The following WDPCP variants were observed in gnomAD, a reference collection of about 807,000 sequenced individuals.
The protein encoded by WDPCP is WD repeat-containing and planar cell polarity effector protein fritz homolog.
In WDPCP, 71 loss-of-function variants were observed where a neutral mutation model predicts 93.1. The ratio of observed to expected loss-of-function variants is 0.76; its 90% CI spans 0.63 to 0.93. The LOEUF (loss-of-function observed/expected upper bound fraction) is 0.93. Among genes scored for constraint, WDPCP ranks in the 40% least tolerant of loss-of-function variants. The pLI, the probability that WDPCP is intolerant of heterozygous loss-of-function variation, is 0.00. For missense variants in WDPCP, 844 were observed against 887.4 expected, an observed-to-expected ratio of 0.95 and a Z score of 0.62; for synonymous variants, 315 against 315.0, an observed-to-expected ratio of 1.00 and a Z score of 0.00.
chr2:63,821,222 G>A (rs1225004409), intron 1 of WDPCP, among the ~76,000 whole-genome samples: 1 of 152,110 alleles, frequency 6.6e-6, no homozygotes, highest in Non-Finnish European at 1.5e-5. Context: ...AGAGGAGGAG[G>A]TGACTGACTC....
Position 63,781,926 on chromosome 2 carries a change from T to C in WDPCP, n.308+31696A>G, listed in dbSNP as rs796583164. 3.5e-4 allele frequency among the ~76,000 whole-genome samples: 53 copies of C among 152,156 alleles called. 1 individual carries two copies. The highest frequency in any genetic ancestry group is 1.2e-3 in the African/African-American group (50 of 41,530). ...AAGCAGTCAGTCCACAGGCAACCTA[T>C]GTGTGTGTGTATATAAAAGGAGAAC... is the stretch of plus-strand genomic sequence containing the variant. On this transcript the variant is annotated intron_variant and non_coding_transcript_variant, in intron 2 of 4. Coordinates refer to the WDPCP transcript ENST00000467687.
At chr2:63,427,273 C>G (rs1306577895) in intron 9 of WDPCP, among the ~76,000 whole-genome samples, 1 of 152,118 alleles carries the variant, frequency 6.6e-6, no homozygotes, top group Non-Finnish European at 1.5e-5. Flanking sequence ...ACCCAACAAC[C>G]ACAGAACATA....
At chr2:63,145,822 A>T (rs1671456705) in intron 17 of WDPCP, among the ~76,000 whole-genome samples, 1 of 152,112 alleles carries the variant, frequency 6.6e-6, no homozygotes, top group African/African-American at 2.4e-5. Flanking sequence ...AACAATATTG[A>T]TTCTTCCTGT....
At chr2:63,347,068 TAAC>T (rs1242745253) in intron 12 of WDPCP, among the ~76,000 whole-genome samples, 2 of 152,164 alleles carry the variant, frequency 1.3e-5, no homozygotes, top group African/African-American at 4.8e-5. Context: ...ATTACAACCC[TAAC>T]AACAATAGCC....
chr2:63,637,397 A>C (rs1337166045), intron 3 of WDPCP, among the ~76,000 whole-genome samples: 1 of 143,954 alleles, frequency 6.9e-6, no homozygotes, highest in Non-Finnish European at 1.5e-5. Flanking sequence ...AGAAACAAAC[A>C]AAAAAAACCA....
intron 2 of WDPCP, among the ~76,000 whole-genome samples, chr2:63,681,097 G>C (rs1025656390): frequency 7.2e-5 from 11 of 152,142 alleles, no homozygotes; most frequent in African/African-American, 2.7e-4. Context: ...CTTCAGGTGA[G>C]ACCCAGCACA....
intron 1 of WDPCP, among the ~76,000 whole-genome samples, chr2:63,533,888 A>T (rs199642932): frequency 4.2e-4 from 3 of 7,224 alleles, no homozygotes; most frequent in East Asian, 0.25. Flanking sequence ...ATAGAGACAC[A>T]AAAAAACCCT....
At chr2:63,722,364 A>C (rs1012986518) in intron 2 of WDPCP, among the ~76,000 whole-genome samples, 1 of 134,492 alleles carries the variant, frequency 7.4e-6, no homozygotes, top group African/African-American at 2.9e-5. Context: ...AGATGTGGGG[A>C]GCGCCTCTGC....
chr2:63,138,597 C>A (rs769902850), intron 17 of WDPCP, among the ~76,000 whole-genome samples: 1 of 151,758 alleles, frequency 6.6e-6, no homozygotes, highest in Non-Finnish European at 1.5e-5. Flanking sequence ...GGACTACAGG[C>A]GCCCGTCACC....
chr2:63,605,476 C>A, intron 3 of WDPCP: 2 of 992,894 alleles, frequency 2.0e-6, no homozygotes, highest in Non-Finnish European at 1.6e-6. Context: ...ATAGCCTTAG[C>A]AGTCAGTCAG....
intron 14 of WDPCP, among the ~76,000 whole-genome samples, chr2:63,194,252 G>T (rs575894285): frequency 2.0e-5 from 3 of 152,142 alleles, no homozygotes; most frequent in African/African-American, 7.2e-5. Context: ...AGACTAAGAT[G>T]ATGATGGAGG....
rs1173923310 is a variant in WDPCP, at chr2:63,558,295, T to G, written c.75+29902A>C. 4.0e-5 allele frequency among the ~76,000 whole-genome samples: 6 copies of G among 151,718 alleles called. No homozygotes were observed. In the East Asian group the frequency reaches 9.7e-4, roughly 25 times the overall value. Reference sequence around the variant, plus strand: ...CTGTAATCCCAGCACTTTGGGAGGGTGAGGCGGGCAGATCTTGAGGTCAGG... The same window carrying G: ...CTGTAATCCCAGCACTTTGGGAGGGGGAGGCGGGCAGATCTTGAGGTCAGG... On this transcript the variant is annotated intron_variant, in intron 1 of 17. Coordinates refer to ENST00000272321, the MANE Select transcript of WDPCP (RefSeq NM_015910.7).
intron 6 of WDPCP, among the ~76,000 whole-genome samples, chr2:63,483,531 A>T (rs1318181247): frequency 6.6e-6 from 1 of 151,916 alleles, no homozygotes; most frequent in African/African-American, 2.4e-5. Flanking sequence ...AGACAAAAAA[A>T]TGAGGAAAAA....
At chr2:63,668,857 A>C (rs1215084744) in intron 2 of WDPCP, among the ~76,000 whole-genome samples, 1 of 152,178 alleles carries the variant, frequency 6.6e-6, no homozygotes, top group Non-Finnish European at 1.5e-5. Flanking sequence ...ATTAGATCTA[A>C]ATCTGATTTT....
At chr2:63,813,326 T>C (rs942699817) in intron 2 of WDPCP, among the ~76,000 whole-genome samples, 10 of 152,186 alleles carry the variant, frequency 6.6e-5, no homozygotes, top group Non-Finnish European at 1.2e-4. Context: ...ATACCGAGTA[T>C]ATTTGGGACA....
chr2:63,218,848 T>C (rs1365876985), intron 14 of WDPCP, among the ~76,000 whole-genome samples: 1 of 152,114 alleles, frequency 6.6e-6, no homozygotes, highest in East Asian at 1.9e-4. Context: ...TACAGATTGT[T>C]CTATAGTTCT....
intron 2 of WDPCP, among the ~76,000 whole-genome samples, chr2:63,722,132 GC>G (rs2103791966): frequency 6.6e-6 from 1 of 152,286 alleles, no homozygotes; most frequent in Admixed American, 6.5e-5. Flanking sequence ...CGAGATTGCA[GC>G]CTCTGCCCGG....
At chr2:63,652,265 G>C (rs996432813) in intron 2 of WDPCP, among the ~76,000 whole-genome samples, 6 of 152,198 alleles carry the variant, frequency 3.9e-5, no homozygotes, top group Admixed American at 3.3e-4. Flanking sequence ...AACTTTGGAG[G>C]CTTGTGTATG....
chr2:63,817,053 G>T (rs1378095510), intron 1 of WDPCP, among the ~76,000 whole-genome samples: 2 of 151,836 alleles, frequency 1.3e-5, no homozygotes, highest in Non-Finnish European at 2.9e-5. Context: ...GGACGGTGGG[G>T]TTACACAGGC....
Sources: gnomAD v4.1 joint callset for allele counts (sites outside exome capture counted in the v4.1 genomes callset) on GRCh38, gnomAD v4.1.1 for gene constraint, MANE v1.5 for transcripts, NCBI Gene and HGNC (gene_info 2026-07-23, HGNC 2026-07-21) for gene names.